Variants in HNRNPDL observed in about 807,000 individuals in gnomAD.
HNRNPDL encodes the protein heterogeneous nuclear ribonucleoprotein D like.
Under a neutral mutation model 48.0 loss-of-function variants are expected in HNRNPDL, and 18 were observed. The observed-to-expected ratio is 0.38, with a 90% CI of 0.26 to 0.56. The LOEUF is 0.56. HNRNPDL is among the 20% of genes least tolerant of loss of function. HNRNPDL has a pLI of 0.77. For missense variants in HNRNPDL, 553 were observed against 540.7 expected (o/e 1.02, Z -0.23); for synonymous variants, 306 against 207.3 (o/e 1.48, Z -4.09).
chr4:82,429,795 A>G lies in HNRNPDL; in HGVS notation c.-105T>C. On this transcript the variant is annotated 5_prime_UTR_variant, in exon 1 of 8. Coordinates refer to ENST00000295470, the MANE Select transcript of HNRNPDL (RefSeq NM_031372.4). Reference sequence around the variant, plus strand: ...CGAAGGGGCGTAAATTCCTGGGGTCAGCAGTCCCGAGCAGAGCCGACGCAG... The same window carrying G: ...CGAAGGGGCGTAAATTCCTGGGGTCGGCAGTCCCGAGCAGAGCCGACGCAG... 3 of 829,452 alleles carry G rather than the reference A, an allele frequency of 3.6e-6. No homozygotes were observed. Among genetic ancestry groups the G allele is most frequent in the Non-Finnish European group, 5.0e-6 (3 of 601,926 alleles). 51.4% of individuals were successfully genotyped at this position (829,452 alleles called of 1,614,324 possible).
In HNRNPDL at chr4:82,422,773, C is replaced by T. The variant is rs117839267; in HGVS notation, c.*2133G>A. Reference sequence around the variant, plus strand: ...TAGGTACTTTAGAATTAATTTCTATCCTCTTCCCGAGGATAACATCACACA... The same window carrying T: ...TAGGTACTTTAGAATTAATTTCTATTCTCTTCCCGAGGATAACATCACACA... On this transcript the variant is annotated 3_prime_UTR_variant, in exon 8 of 8. Transcript: ENST00000295470. 1.3e-5 allele frequency: 2 copies of T among 152,256 alleles called. No individual in the cohort carries two copies. The highest frequency in any genetic ancestry group is 2.1e-4 in the South Asian group (1 of 4,826). 9.4% of individuals were successfully genotyped at this position (152,256 alleles called of 1,614,324 possible).
intron 5 of HNRNPDL, 109 bp downstream of exon 5, chr4:82,427,081 G>T: frequency 1.2e-6 from 1 of 808,862 alleles, no homozygotes; most frequent in Non-Finnish European, 2.2e-6. Flanking sequence ...TCCCCCCTCC[G>T]CTGGAATGGT....
rs1284575840 is a variant in HNRNPDL at position 82,429,958 on chromosome 4, A to T, written c.-268T>A. ...GCCGCTGCGGCGGCCGCTGCTACCGACTAGCACCGCGGCCAGTCTGCTCCG... is the reference window on the plus strand; with the variant it reads ...GCCGCTGCGGCGGCCGCTGCTACCGTCTAGCACCGCGGCCAGTCTGCTCCG... On this transcript the variant is annotated 5_prime_UTR_variant, in exon 1 of 8. Transcript: ENST00000295470. The T allele has an allele frequency of 3.5e-6, 1 of 287,688 alleles. No individual in the cohort carries two copies. Among genetic ancestry groups the T allele is most frequent in the African/African-American group, 2.2e-5 (1 of 45,508 alleles). The allele number at this position is 287,688 out of a possible 1,614,324, so 17.8% of individuals were successfully genotyped here.
At chr4:82,425,029 G>T (rs932341888) in intron 7 of HNRNPDL, 146 bp from the exon 8 acceptor site, 1 of 152,096 alleles carries the variant, frequency 6.6e-6, no homozygotes, top group African/African-American at 2.4e-5. Context: ...AATACAGTTT[G>T]GGTAGTCAAT....
At chr4:82,427,358 CATTTT>C (rs1226808421) in intron 4 of HNRNPDL, 54 bp from the exon 5 acceptor site, 134 of 1,524,542 alleles carry the variant, frequency 8.8e-5, no homozygotes, top group Non-Finnish European at 1.1e-4. Flanking sequence ...AAAATTAAAT[CATTTT>C]ATTTTTCTCC....
At chr4:82,429,226 C>T (rs2110030824) in intron 1 of HNRNPDL, 22 bp downstream of exon 1, 1 of 1,596,462 alleles carries the variant, frequency 6.3e-7, no homozygotes, top group Non-Finnish European at 8.6e-7. Context: ...GGAGGGGGAG[C>T]GGGGGAAGAA....
At chr4:82,428,674 G>A (rs1265127035) in intron 1 of HNRNPDL, among the ~76,000 whole-genome samples, 1 of 152,186 alleles carries the variant, frequency 6.6e-6, no homozygotes, top group African/African-American at 2.4e-5. Flanking sequence ...GCTCAAAAGA[G>A]ACCAATAAAA....
Position 82,429,355 on chromosome 4 carries a change from G to C in HNRNPDL, c.336C>G (p.Pro112=), listed in dbSNP as rs759986776. ...AAATRTARQH[P]PADSSVTMED... The stretch of plus-strand genomic sequence containing the variant: ...CCATAGTGACGGAGCTGTCGGCAGG[G>C]GGGTGCTGGCGCGCAGTCCGGGTCG... The change falls in exon 1 of 8, where the codon CCC becomes CCG. Residue 112 remains proline, a synonymous_variant. Transcript: ENST00000295470. 3.7e-6 allele frequency: 6 copies of C among 1,613,610 alleles called. No individual in the cohort carries two copies. Among genetic ancestry groups the C allele is most frequent in the Admixed American group, 1.7e-5 (1 of 59,996 alleles).
chr4:82,423,189 CTTGA>C lies in HNRNPDL; in HGVS notation c.*1713_*1716del, dbSNP rs760055182. ...TTTTTCTCAGTCATACATATCAAGA[CTTGA>C]TTAAAAGTTTGGATTTTGTTTAAAA... On this transcript the variant is annotated 3_prime_UTR_variant, in exon 8 of 8. Coordinates refer to ENST00000295470, the MANE Select transcript of HNRNPDL (RefSeq NM_031372.4). 6.6e-6 allele frequency: 1 copy of C among 152,152 alleles called. No homozygotes were observed. Among genetic ancestry groups the C allele is most frequent in the Admixed American group, 6.5e-5 (1 of 15,280 alleles). 9.4% of individuals were successfully genotyped at this position (152,152 alleles called of 1,614,324 possible). A position where few individuals can be genotyped will look rare whatever the true frequency, so the allele number is the denominator to read the frequency against.
rs1261613765 is a variant in HNRNPDL, at chr4:82,429,791, G to A, written c.-101C>T. ...AAAACGAAGGGGCGTAAATTCCTGG[G>A]GTCAGCAGTCCCGAGCAGAGCCGAC... On this transcript the variant is annotated 5_prime_UTR_variant, in exon 1 of 8. Coordinates refer to ENST00000295470, the MANE Select transcript of HNRNPDL (RefSeq NM_031372.4). The A allele has an allele frequency of 3.2e-6, 3 of 945,634 alleles. No homozygotes were observed. In the African/African-American group the frequency reaches 5.2e-5, roughly 16 times the overall value. 58.6% of individuals were successfully genotyped at this position (945,634 alleles called of 1,614,324 possible).
Position 82,429,450 on chromosome 4 carries a change from G to C in HNRNPDL, c.241C>G (p.Arg81Gly), listed in dbSNP as rs780496008. The change falls in exon 1 of 8, where the codon CGG (arginine) becomes GGG (glycine). Residue 81 changes from arginine to glycine, a missense_variant. Physicochemically the swap from Arg to Gly is moderately radical, Grantham distance 125. Coordinates refer to ENST00000295470, the MANE Select transcript of HNRNPDL (RefSeq NM_031372.4). Reference protein sequence around the residue: ...GGAAIKGGRRRRPDLFRRHFK... With the variant: ...GGAAIKGGRRGRPDLFRRHFK... ...TGGCGGCGGAAGAGATCCGGGCGCC[G>C]CCTGCGCCCTCCCTTTATAGCCGCC... is the stretch of plus-strand genomic sequence containing the variant. 19 of 1,607,168 alleles carry C rather than the reference G, an allele frequency of 1.2e-5. No individual in the cohort carries two copies. Among genetic ancestry groups the C allele is most frequent in the Non-Finnish European group, 1.5e-5 (18 of 1,177,030 alleles).
intron 6 of HNRNPDL, 151 bp from the exon 7 acceptor site, chr4:82,426,280 T>A: frequency 1.2e-6 from 1 of 857,910 alleles, no homozygotes; most frequent in Non-Finnish European, 1.9e-6. Flanking sequence ...AAATCATACA[T>A]CCTAGTTCAT....
intron 5 of HNRNPDL, among the ~76,000 whole-genome samples, chr4:82,426,923 T>C (rs1041864445): frequency 6.6e-6 from 1 of 152,144 alleles, no homozygotes; most frequent in African/African-American, 2.4e-5. Context: ...CAAGAAAACC[T>C]ATCACACCAC....
chr4:82,427,929 G>A (rs1188110633), intron 3 of HNRNPDL, 89 bp downstream of exon 3: 6 of 1,270,042 alleles, frequency 4.7e-6, no homozygotes, highest in Non-Finnish European at 5.5e-6. Flanking sequence ...ACTCTTACAG[G>A]AAACATGAAT....
chr4:82,428,415 T>C lies in HNRNPDL; in HGVS notation c.475A>G (p.Thr159Ala). 2 of 1,611,656 alleles carry C rather than the reference T, an allele frequency of 1.2e-6. No individual in the cohort carries two copies. Among genetic ancestry groups the C allele is most frequent in the South Asian group, 1.1e-5 (1 of 90,896 alleles). The stretch of plus-strand genomic sequence containing the variant: ...TACTCTGTCAGATCTTTTTTGCTTG[T>C]ATCCCAGCTCAAGCCTCCAATAAAC... ...KMFIGGLSWD[T>A]SKKDLTEYLS... Residue 159 changes from threonine (T) to alanine (A), a missense_variant, in exon 2 of 8, where the codon ACA becomes GCA. Physicochemically the swap from Thr to Ala is moderately conservative, Grantham distance 58. This residue lies in a region of HNRNPDL where 43 missense variants were observed against 104.0 expected (regional missense o/e 0.41). Coordinates refer to ENST00000295470, the MANE Select transcript of HNRNPDL (RefSeq NM_031372.4).
rs1721252086 is a variant in HNRNPDL at position 82,423,054 on chromosome 4, TAGAGTTCAAAGCCCAAATCTAG to T, written c.*1830_*1851del. ...TAGACCCTGAAATCTGAATTAAATC[TAGAGTTCAAAGCCCAAATCTAG>T]AGTTCAAAGCCCCTGCAAGAAAAAC... On this transcript the variant is annotated 3_prime_UTR_variant, in exon 8 of 8. Transcript: ENST00000295470. 2.3e-4 allele frequency: 1 copy of T among 4,420 alleles called. No homozygotes were observed. Among genetic ancestry groups the T allele is most frequent in the Non-Finnish European group, 4.4e-3 (1 of 228 alleles). 0.3% of individuals were successfully genotyped at this position (4,420 alleles called of 1,614,324 possible).
chr4:82,429,574 G>T lies in HNRNPDL; in HGVS notation c.117C>A (p.Ala39=). 1 of 1,393,642 alleles carries T rather than the reference G, an allele frequency of 7.2e-7. No homozygotes were observed. Among genetic ancestry groups the T allele is most frequent in the South Asian group, 1.6e-5 (1 of 60,708 alleles). The allele number at this position is 1,393,642 out of a possible 1,614,324, so 86.3% of individuals were successfully genotyped here. The change falls in exon 1 of 8, where the codon GCC becomes GCA. Residue 39 remains alanine (A), a synonymous_variant. Transcript: ENST00000295470. ...TGGGAGCGAGCGAAGGGAGGAGCGG[G>T]GCTAGCTGCCGCGGCGGCCGCGGCC... ...HWRPRPPRQL[A]PLLPSLAPSS... is the part of the protein sequence containing the mutation.
chr4:82,426,945 T>C (rs1002892347), intron 5 of HNRNPDL, among the ~76,000 whole-genome samples: 2 of 152,208 alleles, frequency 1.3e-5, no homozygotes, highest in Non-Finnish European at 2.9e-5. Flanking sequence ...GTGTATCATG[T>C]AATGGTACAC....
chr4:82,429,698 C>A lies in HNRNPDL; in HGVS notation c.-8G>T. The A allele has an allele frequency of 7.4e-7, 1 of 1,349,948 alleles. No individual in the cohort carries two copies. The highest frequency in any genetic ancestry group is 9.5e-7 in the Non-Finnish European group (1 of 1,053,584). The allele number at this position is 1,349,948 out of a possible 1,614,324, so 83.6% of individuals were successfully genotyped here. The stretch of plus-strand genomic sequence containing the variant: ...CCTGGGCGGGACCTCCATCGCGGCC[C>A]TCCCGGCAAGGAGAGAGGCCACGCG... On this transcript the variant is annotated 5_prime_UTR_variant, in exon 1 of 8. In the 5' UTR this introduces an upstream ATG that the reference lacks. Coordinates refer to ENST00000295470, the MANE Select transcript of HNRNPDL (RefSeq NM_031372.4).
Sources: allele counts gnomAD v4.1 joint callset (sites outside exome capture counted in the v4.1 genomes callset), GRCh38; gene constraint gnomAD v4.1.1; regional missense constraint gnomAD v4.1.1; transcripts MANE v1.5; gene names NCBI Gene and HGNC (gene_info 2026-07-23, HGNC 2026-07-21).